The following TPCN1 variants were observed in gnomAD, a reference collection of about 807,000 sequenced individuals.
TPCN1 encodes two pore channel protein 1.
A neutral mutation model predicts 108.8 loss-of-function variants in TPCN1; 52 were observed. The ratio of observed to expected loss-of-function variants is 0.48; its 90% CI spans 0.38 to 0.60. TPCN1 has a LOEUF of 0.60. TPCN1 is among the 20% of genes least tolerant of loss of function. The pLI, the probability that TPCN1 is intolerant of heterozygous loss-of-function variation, is 0.00. For missense variants in TPCN1, 806 were observed against 1,072.8 expected (o/e 0.75, Z 3.47); for synonymous variants, 446 against 433.7 (o/e 1.03, Z -0.35).
At chr12:113,247,505 C>G (rs994753647) in intron 2 of TPCN1, among the ~76,000 whole-genome samples, 2 of 152,244 alleles carry the variant, frequency 1.3e-5, no homozygotes, top group African/African-American at 4.8e-5. Flanking sequence ...ATCCATTGTC[C>G]CTTCAGCCAC....
chr12:113,241,306 T>G (rs1954112004), intron 2 of TPCN1, among the ~76,000 whole-genome samples: 1 of 152,210 alleles, frequency 6.6e-6, no homozygotes, highest in South Asian at 2.1e-4. Flanking sequence ...CATGCTTGCT[T>G]CATGGCCGCC....
At chr12:113,264,286 G>T (rs187642463) in intron 3 of TPCN1, among the ~76,000 whole-genome samples, 1 of 152,156 alleles carries the variant, frequency 6.6e-6, no homozygotes, top group Admixed American at 6.5e-5. Flanking sequence ...GGTTTGTCTC[G>T]ATTTTTTGCT....
chr12:113,237,148 C>T (rs1953928299), intron 2 of TPCN1, among the ~76,000 whole-genome samples: 1 of 152,152 alleles, frequency 6.6e-6, no homozygotes, highest in African/African-American at 2.4e-5. Context: ...ACTTGATAAG[C>T]CCTGAGCTTA....
At position 113,232,131 on chromosome 12, in the gene TPCN1, G is replaced by GTC. The variant is rs1953709508; in HGVS notation, c.112+5171_112+5172dup. On this transcript the variant is annotated intron_variant, in intron 2 of 27. Coordinates refer to ENST00000335509, the MANE Select transcript of TPCN1 (RefSeq NM_017901.6). This position sits in a 1 kb window ranked among gnomAD's most constrained non-coding sequence, Gnocchi z 5.6. Reference sequence around the variant, plus strand: ...GGCTGAGGTCTGAGCAGGATGCTCCGTCTCTGCTTTGGTGCCGGGTTGTTT... The same window carrying GTC: ...GGCTGAGGTCTGAGCAGGATGCTCCGTCTCTCTGCTTTGGTGCCGGGTTGTTT... Among the ~76,000 whole-genome samples, 1 of 152,232 alleles carries GTC rather than the reference G, an allele frequency of 6.6e-6. No individual in the cohort carries two copies. The highest frequency in any genetic ancestry group is 2.4e-5 in the African/African-American group (1 of 41,464).
intron 2 of TPCN1, among the ~76,000 whole-genome samples, chr12:113,251,344 G>A (rs1954623788): frequency 6.6e-6 from 1 of 152,240 alleles, no homozygotes; most frequent in African/African-American, 2.4e-5. Flanking sequence ...CCAGGAATTT[G>A]AGTCTAGCTT....
At chr12:113,255,158 A>G (rs977197756) in intron 2 of TPCN1, among the ~76,000 whole-genome samples, 1 of 152,228 alleles carries the variant, frequency 6.6e-6, no homozygotes, top group Non-Finnish European at 1.5e-5. Context: ...TGACATATTT[A>G]CAAAAGAGGC....
intron 19 of TPCN1, 190 bp downstream of exon 19, chr12:113,287,284 T>G (rs893797932): frequency 3.4e-6 from 2 of 581,398 alleles, no homozygotes; most frequent in African/African-American, 3.7e-5. Context: ...CCTGTGCCCT[T>G]CCCCTCACTG....
rs878912370 is a variant in TPCN1 at position 113,268,604 on chromosome 12, G to A, written c.529-138G>A. ...TTCTGGGGCTGCCTGATGTTGGCAGGAAGTGTGAGAGGGCTGGAGAGAGGA... is the reference window on the plus strand; with the variant it reads ...TTCTGGGGCTGCCTGATGTTGGCAGAAAGTGTGAGAGGGCTGGAGAGAGGA... On this transcript the variant is annotated intron_variant, in intron 5 of 27. Coordinates refer to ENST00000335509, the MANE Select transcript of TPCN1 (RefSeq NM_017901.6). This position sits in a 1 kb window ranked among gnomAD's most constrained non-coding sequence, Gnocchi z 7.3. 6 of 1,046,326 alleles carry A rather than the reference G, an allele frequency of 5.7e-6. No homozygotes were observed. The Admixed American group carries it at 1.5e-4, about 27-fold the overall frequency. The allele number at this position is 1,046,326 out of a possible 1,614,324, so 64.8% of individuals were successfully genotyped here. A position where few individuals can be genotyped will look rare whatever the true frequency, so the allele number is the denominator to read the frequency against.
chr12:113,286,926 G>A, intron 18 of TPCN1, 61 bp from the exon 19 acceptor site: 1 of 1,241,616 alleles, frequency 8.1e-7, no homozygotes, highest in Non-Finnish European at 1.2e-6. Context: ...GGCCAGGGAG[G>A]GGAGCAGGCG....
intron 3 of TPCN1, among the ~76,000 whole-genome samples, chr12:113,265,517 C>T (rs938205968): frequency 6.6e-6 from 1 of 151,782 alleles, no homozygotes; most frequent in African/African-American, 2.4e-5. Flanking sequence ...TTTCTCTTTA[C>T]CTCCTCTCAG....
chr12:113,254,378 G>T (rs990706516), intron 2 of TPCN1, among the ~76,000 whole-genome samples: 3 of 152,180 alleles, frequency 2.0e-5, no homozygotes, highest in African/African-American at 7.2e-5. Context: ...CACAAGGAAA[G>T]AAACCTCGGA....
chr12:113,292,856 G>A, intron 25 of TPCN1, 78 bp from the exon 26 acceptor site: 1 of 1,530,302 alleles, frequency 6.5e-7, no homozygotes, highest in Non-Finnish European at 8.8e-7. Flanking sequence ...TGCGGAAGGG[G>A]GCAAGGAGGT....
rs1263191491 is a variant in TPCN1, at chr12:113,289,254, G to C, written c.1796+407G>C. 6.6e-6 allele frequency among the ~76,000 whole-genome samples: 1 copy of C among 152,248 alleles called. No individual in the cohort carries two copies. Among genetic ancestry groups the C allele is most frequent in the Non-Finnish European group, 1.5e-5 (1 of 68,042 alleles). On this transcript the variant is annotated intron_variant, in intron 21 of 27. Transcript: ENST00000335509. This position sits in a 1 kb window ranked among gnomAD's most constrained non-coding sequence, Gnocchi z 4.1. ...CGTGCAGGAAGGTCATGGTGCTCAG[G>C]GATGGGGAGCAGAGAGTGAAATCTC...
In TPCN1 at chr12:113,291,089, G is replaced by A. The variant is rs371359290; in HGVS notation, c.1959+91G>A. 1,109 of 1,233,246 alleles carry A rather than the reference G, an allele frequency of 9.0e-4. 10 individuals are homozygous for A. The highest frequency in any genetic ancestry group is 6.2e-3 in the Middle Eastern group (24 of 3,874). 76.4% of individuals were successfully genotyped at this position (1,233,246 alleles called of 1,614,324 possible). ...CAACCCAGAGTATATAATTCTTCCC[G>A]TAGCTTGCAGGGCTGGGGGTCTTGA... On this transcript the variant is annotated intron_variant, in intron 23 of 27. Coordinates refer to ENST00000335509, the MANE Select transcript of TPCN1 (RefSeq NM_017901.6).
At chr12:113,274,496 A>G (rs1448829907) in intron 10 of TPCN1, among the ~76,000 whole-genome samples, 1 of 152,224 alleles carries the variant, frequency 6.6e-6, no homozygotes, top group Non-Finnish European at 1.5e-5. Context: ...ATGACAAGAA[A>G]AAGAAGGCTG....
At chr12:113,258,813 G>A (rs1361622570) in intron 2 of TPCN1, among the ~76,000 whole-genome samples, 1 of 152,066 alleles carries the variant, frequency 6.6e-6, no homozygotes, top group Non-Finnish European at 1.5e-5. Flanking sequence ...GAAGTAAGTT[G>A]CATGTGGCTG....
At chr12:113,224,943 G>A (rs1177738146) in intron 1 of TPCN1, among the ~76,000 whole-genome samples, 1 of 151,918 alleles carries the variant, frequency 6.6e-6, no homozygotes, top group Non-Finnish European at 1.5e-5. Flanking sequence ...TAGAGGCGGG[G>A]TTTCTTCATT....
At chr12:113,283,825 T>C (rs1566194589) in intron 15 of TPCN1, among the ~76,000 whole-genome samples, 1 of 152,052 alleles carries the variant, frequency 6.6e-6, no homozygotes, top group African/African-American at 2.4e-5. Flanking sequence ...AGGTGCACAC[T>C]ACCACACCTG....
chr12:113,251,645 C>T (rs1954640578), intron 2 of TPCN1, among the ~76,000 whole-genome samples: 1 of 152,230 alleles, frequency 6.6e-6, no homozygotes, highest in Non-Finnish European at 1.5e-5. Flanking sequence ...TTGCCTTCGG[C>T]GGCCAGCCCG....
Sources: gnomAD v4.1 joint callset for allele counts (sites outside exome capture counted in the v4.1 genomes callset) on GRCh38, gnomAD v4.1.1 for gene constraint, Gnocchi (gnomAD v3.1) non-coding constraint, MANE v1.5 for transcripts, NCBI Gene and HGNC (gene_info 2026-07-23, HGNC 2026-07-21) for gene names.